Variants in TNIP1 observed in about 807,000 individuals in gnomAD.
TNIP1 encodes the protein TNFAIP3 interacting protein 1, also known as TNFAIP3-interacting protein 1.
In TNIP1, 22 loss-of-function variants were observed where a neutral mutation model predicts 86.6. That is an observed-to-expected ratio of 0.25 (90% confidence interval 0.18 to 0.36). The LOEUF is 0.36. TNIP1 is among the 10% of genes least tolerant of loss of function. TNIP1 has a pLI of 1.00. For synonymous variants in TNIP1, 294 were observed against 313.0 expected (o/e 0.94, Z 0.64); for missense variants, 709 against 820.6 (o/e 0.86, Z 1.66).
chr5:151,030,494 T>A lies in TNIP1; in HGVS notation c.*219A>T, dbSNP rs1279508572. The A allele has an allele frequency of 4.5e-6, 3 of 660,346 alleles. No homozygotes were observed. Among genetic ancestry groups the A allele is most frequent in the South Asian group, 2.0e-5 (1 of 50,642 alleles). 40.9% of individuals were successfully genotyped at this position (660,346 alleles called of 1,614,324 possible). ...GCAGCAGGGAAGGAGTTTTTCCCAGTCACTCCCAGCAGAGTACAAATGAAA... is the reference window on the plus strand; with the variant it reads ...GCAGCAGGGAAGGAGTTTTTCCCAGACACTCCCAGCAGAGTACAAATGAAA... On this transcript the variant is annotated 3_prime_UTR_variant, in exon 18 of 18. Transcript: ENST00000521591.
At chr5:151,042,401 G>T (rs2113405625) in intron 11 of TNIP1, 139 bp downstream of exon 11, 1 of 1,076,170 alleles carries the variant, frequency 9.3e-7, no homozygotes, top group Non-Finnish European at 1.3e-6. Flanking sequence ...GAAGGAACGT[G>T]CCTGTGTTTT....
intron 11 of TNIP1, 147 bp from the exon 12 acceptor site, chr5:151,039,372 T>C (rs1176286642): frequency 1.3e-6 from 1 of 772,864 alleles, no homozygotes; most frequent in African/African-American, 1.8e-5. Context: ...GTCGGTACAG[T>C]AATGTCCATC....
At chr5:151,031,663 C>A (rs1262621099) in intron 17 of TNIP1, among the ~76,000 whole-genome samples, 1 of 152,204 alleles carries the variant, frequency 6.6e-6, no homozygotes, top group East Asian at 1.9e-4. Flanking sequence ...CAGGACCCGG[C>A]TACGTCCTGA....
intron 1 of TNIP1, among the ~76,000 whole-genome samples, chr5:151,065,346 T>C (rs938637973): frequency 1.3e-5 from 2 of 152,180 alleles, no homozygotes; most frequent in Non-Finnish European, 2.9e-5. Context: ...CTTAGCAGCC[T>C]CAATGCACTG....
At chr5:151,057,896 AT>A (rs1400322415) in intron 5 of TNIP1, among the ~76,000 whole-genome samples, 1 of 152,128 alleles carries the variant, frequency 6.6e-6, no homozygotes, top group Non-Finnish European at 1.5e-5. Flanking sequence ...CTACTACGCC[AT>A]TTTACATCAG....
intron 1 of TNIP1, among the ~76,000 whole-genome samples, chr5:151,078,034 C>G (rs1156315964): frequency 1.3e-5 from 2 of 152,226 alleles, no homozygotes; most frequent in Non-Finnish European, 2.9e-5. Flanking sequence ...CTCCAACCAT[C>G]TGGTGCCCCC....
intron 5 of TNIP1, 138 bp downstream of exon 5, chr5:151,060,180 T>C: frequency 6.0e-6 from 5 of 829,838 alleles, no homozygotes; most frequent in Non-Finnish European, 9.7e-6. Context: ...CACCCTTTGC[T>C]CCTGCCCCTC....
At chr5:151,042,496 T>C (rs368561973) in intron 11 of TNIP1, 44 bp downstream of exon 11, 20 of 1,596,730 alleles carry the variant, frequency 1.3e-5, no homozygotes, top group Non-Finnish European at 1.6e-5. Context: ...TCTCCGCTAA[T>C]GTGGAGGGGA....
chr5:151,052,380 C>A, intron 6 of TNIP1, 121 bp from the exon 7 acceptor site: 1 of 762,806 alleles, frequency 1.3e-6, no homozygotes, highest in South Asian at 1.7e-5. Flanking sequence ...ATCCCCTTTG[C>A]CTGGCCTCAC....
intron 1 of TNIP1, among the ~76,000 whole-genome samples, chr5:151,071,921 G>T (rs1762861522): frequency 6.6e-6 from 1 of 152,242 alleles, no homozygotes; most frequent in Admixed American, 6.5e-5. Context: ...GCTGGAGAGA[G>T]GGTGACAGTT....
chr5:151,034,459 T>C (rs560772203), intron 15 of TNIP1: 130 of 170,956 alleles, frequency 7.6e-4, no homozygotes, highest in Non-Finnish European at 1.2e-3. Context: ...CACATGGGCA[T>C]GGAAGGCTGG....
chr5:151,055,574 C>T (rs972561823), intron 6 of TNIP1, among the ~76,000 whole-genome samples: 1 of 152,212 alleles, frequency 6.6e-6, no homozygotes, highest in Non-Finnish European at 1.5e-5. Flanking sequence ...GCCTCACCTC[C>T]CAACACACCC....
At chr5:151,063,788 G>C in intron 2 of TNIP1, 41 bp from the exon 3 acceptor site, 1 of 1,599,278 alleles carries the variant, frequency 6.3e-7, no homozygotes, top group Non-Finnish European at 8.6e-7. Context: ...CATTTACTCG[G>C]CTCAGTGTGC....
intron 7 of TNIP1, 145 bp from the exon 8 acceptor site, chr5:151,050,092 A>G: frequency 7.5e-7 from 1 of 1,331,378 alleles, no homozygotes; most frequent in Admixed American, 2.2e-5. Flanking sequence ...CTGGAAAACC[A>G]AAAAGGGCAT....
intron 12 of TNIP1, chr5:151,037,127 A>G: frequency 1.8e-6 from 1 of 543,636 alleles, no homozygotes; most frequent in Admixed American, 4.1e-5. Context: ...CCATGAAGAA[A>G]AGACTATGAT....
chr5:151,034,726 A>G, intron 15 of TNIP1: 2 of 453,460 alleles, frequency 4.4e-6, no homozygotes, highest in Non-Finnish European at 8.1e-6. Flanking sequence ...AAAGTTGGAT[A>G]CATGGGCACG....
chr5:151,084,537 T>G (rs370954194), upstream of TNIP1, among the ~76,000 whole-genome samples: 11 of 152,124 alleles, frequency 7.2e-5, no homozygotes, highest in African/African-American at 2.7e-4. Context: ...GGCAGGGACT[T>G]GCGGGAGGTC....
intron 1 of TNIP1, 129 bp from the exon 2 acceptor site, chr5:151,065,260 T>A: frequency 6.8e-6 from 5 of 737,320 alleles, no homozygotes; most frequent in South Asian, 1.9e-5. Flanking sequence ...CATATTATAG[T>A]AAAGCAGGAC....
At chr5:151,070,155 T>C (rs1762677106) in intron 1 of TNIP1, among the ~76,000 whole-genome samples, 3 of 152,158 alleles carry the variant, frequency 2.0e-5, no homozygotes, top group Admixed American at 2.0e-4. Context: ...ACCTACCTGA[T>C]AGAAGATCAA....
Sources: allele counts gnomAD v4.1 joint callset (sites outside exome capture counted in the v4.1 genomes callset), GRCh38; gene constraint gnomAD v4.1.1; transcripts MANE v1.5; gene names NCBI Gene and HGNC (gene_info 2026-07-23, HGNC 2026-07-21).